Variants in ZNRF3 observed in about 807,000 individuals in gnomAD.
ZNRF3 encodes zinc and ring finger 3.
A neutral mutation model predicts 72.5 loss-of-function variants in ZNRF3; 23 were observed. The ratio of observed to expected loss-of-function variants is 0.32; its 90% CI spans 0.23 to 0.45. ZNRF3 has a LOEUF of 0.45. Ranked by LOEUF, ZNRF3 falls within the 20% of genes least tolerant of loss-of-function variation. ZNRF3 has a pLI of 1.00. For synonymous variants in ZNRF3, 610 were observed against 545.3 expected (o/e 1.12, Z -1.65); for missense variants, 1,169 against 1,272.1 (o/e 0.92, Z 1.23).
intron 1 of ZNRF3, among the ~76,000 whole-genome samples, chr22:28,934,265 G>T (rs184230205): frequency 3.3e-5 from 5 of 152,244 alleles, no homozygotes; most frequent in Non-Finnish European, 2.9e-5. Flanking sequence ...GTGCTTTGGA[G>T]TGGCCGTTTC....
At chr22:29,035,685 C>T (rs1480445871) in intron 2 of ZNRF3, among the ~76,000 whole-genome samples, 2 of 152,216 alleles carry the variant, frequency 1.3e-5, no homozygotes, top group South Asian at 2.1e-4. Context: ...AAGCAATTCT[C>T]CTGCCTCAGC....
chr22:28,940,670 C>T (rs144235319), intron 1 of ZNRF3, among the ~76,000 whole-genome samples: 2 of 152,242 alleles, frequency 1.3e-5, no homozygotes, highest in East Asian at 3.9e-4. Flanking sequence ...AGGTCTTCCT[C>T]CTCAACCTTC....
intron 1 of ZNRF3, among the ~76,000 whole-genome samples, chr22:28,912,662 CTTT>C (rs138371253): frequency 0.016 from 1,867 of 119,492 alleles, 35 homozygotes; most frequent in African/African-American, 0.048. Context: ...TCTTTTCTTT[CTTT>C]TTTTTTTTTT....
chr22:29,045,581 C>T (rs1049586385), intron 5 of ZNRF3, among the ~76,000 whole-genome samples: 1 of 152,100 alleles, frequency 6.6e-6, no homozygotes, highest in Non-Finnish European at 1.5e-5. Flanking sequence ...CTCCACCTCC[C>T]GGGGTCAACT....
chr22:28,952,020 G>T (rs1319702300), intron 1 of ZNRF3, among the ~76,000 whole-genome samples: 2 of 152,200 alleles, frequency 1.3e-5, no homozygotes, highest in Non-Finnish European at 2.9e-5. Flanking sequence ...GCCAGCATGG[G>T]TATATCTGGC....
At chr22:29,019,285 A>T (rs2036488637) in intron 2 of ZNRF3, among the ~76,000 whole-genome samples, 1 of 152,168 alleles carries the variant, frequency 6.6e-6, no homozygotes, top group African/African-American at 2.4e-5. Flanking sequence ...GGGAGGAATC[A>T]TAAAATATTG....
At chr22:28,987,323 C>T in intron 2 of ZNRF3, 122 bp downstream of exon 2, 1 of 1,435,844 alleles carries the variant, frequency 7.0e-7, no homozygotes, top group South Asian at 1.5e-5. Flanking sequence ...TCCTTCCCGG[C>T]TGAAGTTGCA....
At chr22:28,996,446 C>T (rs1323035236) in intron 2 of ZNRF3, among the ~76,000 whole-genome samples, 1 of 152,192 alleles carries the variant, frequency 6.6e-6, no homozygotes, top group African/African-American at 2.4e-5. Flanking sequence ...ATAACCAAAT[C>T]AGAAGTTCTT....
intron 1 of ZNRF3, among the ~76,000 whole-genome samples, chr22:28,891,813 C>T (rs1236866470): frequency 6.6e-6 from 1 of 152,188 alleles, no homozygotes; most frequent in Non-Finnish European, 1.5e-5. Flanking sequence ...GTATTTCCTT[C>T]CTTTCTTTTC....
chr22:28,937,680 T>C (rs528471738), intron 1 of ZNRF3, among the ~76,000 whole-genome samples: 11 of 152,306 alleles, frequency 7.2e-5, no homozygotes, highest in African/African-American at 2.4e-4. Flanking sequence ...GCAGCTGACC[T>C]GGCAACCACC....
chr22:29,050,737 C>G lies in ZNRF3; in HGVS notation c.2556C>G (p.Leu852=). ...CGGACTGCCAAGGGACCCACAGCCTCGGCTCCTGGGGTGGGACGCGAGGCC... is the reference window on the plus strand; with the variant it reads ...CGGACTGCCAAGGGACCCACAGCCTGGGCTCCTGGGGTGGGACGCGAGGCC... ...LPSDCQGTHS[L]GSWGGTRGPD... The change falls in exon 8 of 9, where the codon CTC becomes CTG. Residue 852 remains leucine (L), a synonymous_variant. Coordinates refer to ENST00000544604, the MANE Select transcript of ZNRF3 (RefSeq NM_001206998.2). The G allele has an allele frequency of 6.2e-7, 1 of 1,610,246 alleles. No homozygotes were observed. Among genetic ancestry groups the G allele is most frequent in the Non-Finnish European group, 8.5e-7 (1 of 1,178,604 alleles).
rs960916525 is a variant in ZNRF3 at position 29,020,311 on chromosome 22, A to G, written c.427-22184A>G. ...AGTTTTGCTTTGTCACCCAGGCTGG[A>G]GTGCAGTGGCATAATCTCGGCTCAC... On this transcript the variant is annotated intron_variant, in intron 2 of 8. Coordinates refer to ENST00000544604, the MANE Select transcript of ZNRF3 (RefSeq NM_001206998.2). 2.5e-5 allele frequency among the ~76,000 whole-genome samples: 3 copies of G among 121,592 alleles called. No homozygotes were observed. In the Admixed American group the frequency reaches 3.4e-4, roughly 14 times the overall value. The allele number at this position is 121,592 out of a possible 152,430, so 79.8% of individuals were successfully genotyped here. A position where few individuals can be genotyped will look rare whatever the true frequency, so the allele number is the denominator to read the frequency against.
intron 2 of ZNRF3, among the ~76,000 whole-genome samples, chr22:29,019,163 G>A (rs2036487032): frequency 6.6e-6 from 1 of 151,904 alleles, no homozygotes; most frequent in Non-Finnish European, 1.5e-5. Flanking sequence ...ATCCCCTCAA[G>A]CATTTTCCAA....
intron 2 of ZNRF3, among the ~76,000 whole-genome samples, chr22:29,037,223 G>A (rs2036883087): frequency 6.6e-6 from 1 of 152,170 alleles, no homozygotes; most frequent in South Asian, 2.1e-4. Flanking sequence ...ATGGCGGTAG[G>A]TCCAAGCCCC....
At chr22:28,982,259 C>T (rs2123823698) in intron 1 of ZNRF3, among the ~76,000 whole-genome samples, 1 of 151,960 alleles carries the variant, frequency 6.6e-6, no homozygotes, top group Middle Eastern at 3.4e-3. Flanking sequence ...ATCTGATATT[C>T]CAACAATTAG....
chr22:29,050,675 A>G lies in ZNRF3; in HGVS notation c.2494A>G (p.Ile832Val), dbSNP rs758803639. Reference protein sequence around the residue: ...ARDLSQRIPIIPEDVDCDLGL... With the variant: ...ARDLSQRIPIVPEDVDCDLGL... ...GGACCTGAGCCAGCGCATCCCCATC[A>G]TTCCAGAGGATGTGGACTGTGATCT... Residue 832 changes from isoleucine to valine, a missense_variant, in exon 8 of 9, where the codon ATT becomes GTT. Ile to Val is a conservative substitution (Grantham distance 29). Coordinates refer to ENST00000544604, the MANE Select transcript of ZNRF3 (RefSeq NM_001206998.2). 6.2e-7 allele frequency: 1 copy of G among 1,612,468 alleles called. No homozygotes were observed. Among genetic ancestry groups the G allele is most frequent in the South Asian group, 1.1e-5 (1 of 90,964 alleles).
intron 1 of ZNRF3, among the ~76,000 whole-genome samples, chr22:28,940,522 G>A (rs1046313341): frequency 9.2e-5 from 13 of 141,010 alleles, no homozygotes; most frequent in Admixed American, 8.3e-4. Flanking sequence ...TTCTTAAATA[G>A]GAGATTGCTC....
At chr22:28,956,055 G>A (rs2035254811) in intron 1 of ZNRF3, among the ~76,000 whole-genome samples, 1 of 152,162 alleles carries the variant, frequency 6.6e-6, no homozygotes, top group African/African-American at 2.4e-5. Flanking sequence ...CTGGTTGAGG[G>A]AGAGGTGGTT....
intron 1 of ZNRF3, among the ~76,000 whole-genome samples, chr22:28,923,988 C>T (rs946930102): frequency 3.3e-5 from 5 of 152,256 alleles, no homozygotes; most frequent in Non-Finnish European, 7.3e-5. Flanking sequence ...GTGATGGTAT[C>T]GGCTTTGCCC....
Sources: gnomAD v4.1 joint callset for allele counts (sites outside exome capture counted in the v4.1 genomes callset) on GRCh38, gnomAD v4.1.1 for gene constraint, MANE v1.5 for transcripts, NCBI Gene and HGNC (gene_info 2026-07-23, HGNC 2026-07-21) for gene names.